The following CHODL variants were observed in gnomAD, a reference collection of about 807,000 sequenced individuals.
CHODL encodes the protein chondrolectin, also known as transmembrane protein MT75.
Under a neutral mutation model 34.5 loss-of-function variants are expected in CHODL, and 29 were observed. The observed-to-expected ratio is 0.84, with a 90% CI of 0.63 to 1.15. CHODL has a LOEUF of 1.15. CHODL is among the 50% of genes most tolerant of loss of function. The pLI, the probability that CHODL is intolerant of heterozygous loss-of-function variation, is 0.00. For missense variants in CHODL, 332 were observed against 332.5 expected (o/e 1.00, Z 0.01); for synonymous variants, 125 against 116.1 (o/e 1.08, Z -0.49).
chr21:18,198,298 A>G (rs911491595), intron 2 of CHODL, among the ~76,000 whole-genome samples: 8 of 152,166 alleles, frequency 5.3e-5, no homozygotes, highest in Admixed American at 4.6e-4. Context: ...TTTGTTCCCA[A>G]AGATCATGTA....
At chr21:18,106,216 C>T (rs531267585) in intron 2 of CHODL, among the ~76,000 whole-genome samples, 1 of 152,266 alleles carries the variant, frequency 6.6e-6, no homozygotes, top group South Asian at 2.1e-4. Context: ...CTTGGTTTAA[C>T]TTTGGAGAGT....
chr21:18,191,610 G>A (rs1278667012), intron 2 of CHODL, among the ~76,000 whole-genome samples: 1 of 152,134 alleles, frequency 6.6e-6, no homozygotes. Context: ...TTGGAAAAAT[G>A]TTTACTACAG....
chr21:18,255,216 G>A (rs1258830193), intron 1 of CHODL, among the ~76,000 whole-genome samples: 1 of 151,880 alleles, frequency 6.6e-6, no homozygotes, highest in African/African-American at 2.4e-5. Context: ...ATATTTGGTT[G>A]GTCCTAATCT....
chr21:18,064,068 C>T (rs755787405), intron 2 of CHODL, among the ~76,000 whole-genome samples: 7 of 152,108 alleles, frequency 4.6e-5, no homozygotes, highest in Non-Finnish European at 1.0e-4. Context: ...ATCCTTTATT[C>T]GCCTCCTCAC....
intron 2 of CHODL, among the ~76,000 whole-genome samples, chr21:18,190,917 A>G (rs947914103): frequency 6.6e-6 from 1 of 152,042 alleles, no homozygotes; most frequent in African/African-American, 2.4e-5. Flanking sequence ...GATAGATTTA[A>G]TTTTCTTTCG....
chr21:18,220,914 T>C (rs574107845), intron 2 of CHODL, among the ~76,000 whole-genome samples: 11 of 152,296 alleles, frequency 7.2e-5, no homozygotes, highest in Non-Finnish European at 1.2e-4. Context: ...TTGAGCTTCC[T>C]GTATCTGGAT....
intron 1 of CHODL, among the ~76,000 whole-genome samples, chr21:18,007,152 G>GA (rs1345765793): frequency 2.0e-5 from 3 of 152,096 alleles, no homozygotes; most frequent in Non-Finnish European, 4.4e-5. Context: ...AAGAAAAAAA[G>GA]AAAAAAACTA....
At chr21:18,167,802 G>A (rs1404305102) in intron 2 of CHODL, among the ~76,000 whole-genome samples, 3 of 152,184 alleles carry the variant, frequency 2.0e-5, no homozygotes, top group Non-Finnish European at 4.4e-5. Flanking sequence ...TGTGATGGTT[G>A]ATATTGAGTG....
At position 17,983,086 on chromosome 21, in the gene CHODL, C is replaced by T. The variant is rs148491473; in HGVS notation, c.-144-44786C>T. On this transcript the variant is annotated intron_variant, in intron 1 of 6. Transcript: ENST00000400127. ...TGTAATCATAATATCCTTTAACATACGCATTCCTAGGTGTAGACTTATGTA... is the reference window on the plus strand; with the variant it reads ...TGTAATCATAATATCCTTTAACATATGCATTCCTAGGTGTAGACTTATGTA... Among the ~76,000 whole-genome samples, 17 of 152,266 alleles carry T rather than the reference C, an allele frequency of 1.1e-4. No individual in the cohort carries two copies. In the East Asian group the frequency reaches 1.2e-3, roughly 10 times the overall value.
At chr21:18,070,027 C>CCTTCCCTTCCCATCCCT (rs1380432271) in intron 2 of CHODL, among the ~76,000 whole-genome samples, 1 of 68,636 alleles carries the variant, frequency 1.5e-5, no homozygotes, top group Non-Finnish European at 3.2e-5. Flanking sequence ...CCCTTCCCTC[C>CCTTCCCTTCCCATCCCT]CCCCCCCCAC....
intron 2 of CHODL, among the ~76,000 whole-genome samples, chr21:18,219,069 C>A (rs2073858481): frequency 6.6e-6 from 1 of 152,152 alleles, no homozygotes; most frequent in African/African-American, 2.4e-5. Flanking sequence ...AAAGTCGCTT[C>A]CACATTTTTG....
chr21:18,249,803 A>G (rs1341045460), intron 1 of CHODL, among the ~76,000 whole-genome samples: 1 of 152,150 alleles, frequency 6.6e-6, no homozygotes, highest in Non-Finnish European at 1.5e-5. Flanking sequence ...AAGAGCACCT[A>G]TGTCATAGGA....
chr21:18,260,222 A>G lies in CHODL; in HGVS notation c.570A>G (p.Val190=), dbSNP rs1249757674. The change falls in exon 4 of 6, where the codon GTA becomes GTG. Residue 190 remains valine, a synonymous_variant. Transcript: ENST00000299295. The part of the protein sequence containing the change: ...YEPEINPTAP[V]EKPYLTNQPG... Reference sequence around the variant, plus strand: ...CAGAGATTAATCCAACAGCCCCTGTAGAAAAGCCTTATCTTACAAATCAAC... The same window carrying G: ...CAGAGATTAATCCAACAGCCCCTGTGGAAAAGCCTTATCTTACAAATCAAC... The G allele has an allele frequency of 1.9e-6, 3 of 1,577,404 alleles. No individual in the cohort carries two copies. Among genetic ancestry groups the G allele is most frequent in the Non-Finnish European group, 1.7e-6 (2 of 1,164,334 alleles).
chr21:17,992,208 T>C (rs930702650), intron 1 of CHODL, among the ~76,000 whole-genome samples: 3 of 152,192 alleles, frequency 2.0e-5, no homozygotes, highest in Non-Finnish European at 4.4e-5. Flanking sequence ...ACCAATACCA[T>C]GCTGTTTTGG....
Position 17,956,980 on chromosome 21 carries a change from G to C in CHODL, c.-145+39580G>C, listed in dbSNP as rs1164271476. ...TGAATCAGTGAACTGAGTAAAGAAG[G>C]TTGTCCTCTCCAATGTGGGTGGGCA... is the stretch of plus-strand genomic sequence containing the variant. On this transcript the variant is annotated intron_variant, in intron 1 of 6. Transcript: ENST00000400127. 3.3e-5 allele frequency among the ~76,000 whole-genome samples: 5 copies of C among 151,858 alleles called. No individual in the cohort carries two copies. In the East Asian group the frequency reaches 9.6e-4, roughly 29 times the overall value.
chr21:18,004,203 C>A (rs533793132), intron 1 of CHODL, among the ~76,000 whole-genome samples: 17 of 152,226 alleles, frequency 1.1e-4, no homozygotes, highest in Non-Finnish European at 2.1e-4. Context: ...TTTGAGGAGA[C>A]CTGTAATTAT....
chr21:18,235,413 A>G (rs905627756), intron 2 of CHODL, among the ~76,000 whole-genome samples: 1 of 152,116 alleles, frequency 6.6e-6, no homozygotes, highest in African/African-American at 2.4e-5. Flanking sequence ...TGATTAATCT[A>G]TATTTTAGAC....
intron 1 of CHODL, among the ~76,000 whole-genome samples, chr21:17,933,879 A>T (rs1475473607): frequency 6.6e-6 from 1 of 152,020 alleles, no homozygotes. Context: ...TCTCTACTAA[A>T]AATACAAAAA....
chr21:18,011,167 A>T (rs1471450371), intron 1 of CHODL, among the ~76,000 whole-genome samples: 1 of 152,186 alleles, frequency 6.6e-6, no homozygotes, highest in Non-Finnish European at 1.5e-5. Context: ...GAAACACACT[A>T]TTATATGTCT....
Sources: allele counts gnomAD v4.1 joint callset (sites outside exome capture counted in the v4.1 genomes callset), GRCh38; gene constraint gnomAD v4.1.1; transcripts MANE v1.5; gene names NCBI Gene and HGNC (gene_info 2026-07-23, HGNC 2026-07-21).